Variants in SLIT3 observed in about 807,000 individuals in gnomAD.
The protein encoded by SLIT3 is slit guidance ligand 3.
SLIT3 carries 68 observed loss-of-function variants against 184.0 expected under a neutral mutation model. That is an observed-to-expected ratio of 0.37 (90% CI 0.30 to 0.45). The LOEUF (loss-of-function observed/expected upper bound fraction) is 0.45, where lower values mean the gene tolerates loss of function less well. Ranked by LOEUF, SLIT3 falls within the 20% of genes least tolerant of loss-of-function variation. The probability of loss-of-function intolerance (pLI) is 1.00; values close to 1 mark genes in which losing one functional copy is unlikely to be tolerated. For missense variants in SLIT3, 1,707 were observed against 2,026.0 expected, an observed-to-expected ratio of 0.84 and a Z score of 3.02; for synonymous variants, 831 against 828.6, an observed-to-expected ratio of 1.00 and a Z score of -0.05.
At chr5:169,243,514 CAGA>C (rs1469673368) in intron 3 of SLIT3, among the ~76,000 whole-genome samples, 1 of 152,152 alleles carries the variant, frequency 6.6e-6, no homozygotes, top group African/African-American at 2.4e-5. Context: ...GGATTTGACC[CAGA>C]AGGAGAACAA....
intron 4 of SLIT3, among the ~76,000 whole-genome samples, chr5:168,964,198 C>T (rs1057126413): frequency 1.3e-5 from 2 of 152,190 alleles, no homozygotes; most frequent in Non-Finnish European, 2.9e-5. Context: ...ACTTCTGTAG[C>T]ACAATCAAGA....
intron 4 of SLIT3, among the ~76,000 whole-genome samples, chr5:169,123,541 T>C (rs775377658): frequency 6.6e-6 from 1 of 152,170 alleles, no homozygotes; most frequent in African/African-American, 2.4e-5. Context: ...CTCACACAAT[T>C]CTGACTGCAA....
intron 3 of SLIT3, among the ~76,000 whole-genome samples, chr5:169,240,189 T>C (rs545980431): frequency 6.6e-6 from 1 of 152,050 alleles, no homozygotes; most frequent in Admixed American, 6.6e-5. Context: ...AATAAAACTT[T>C]CATATGCCCT....
At chr5:169,136,739 C>A (rs1761516082) in intron 4 of SLIT3, among the ~76,000 whole-genome samples, 1 of 152,022 alleles carries the variant, frequency 6.6e-6, no homozygotes, top group African/African-American at 2.4e-5. Context: ...ATTCTTCTGG[C>A]TAGGAGGAGG....
At chr5:168,926,769 G>T (rs897499002) in intron 4 of SLIT3, among the ~76,000 whole-genome samples, 1 of 152,004 alleles carries the variant, frequency 6.6e-6, no homozygotes. Context: ...GTCAACAAGT[G>T]TATGAAAAGG....
chr5:168,838,666 C>G (rs747773799), intron 6 of SLIT3, among the ~76,000 whole-genome samples: 1 of 152,124 alleles, frequency 6.6e-6, no homozygotes, highest in Middle Eastern at 3.2e-3. Flanking sequence ...ACACCAACCC[C>G]GCTCTAGGAG....
chr5:168,897,150 C>A (rs559382321), intron 4 of SLIT3, among the ~76,000 whole-genome samples: 3 of 151,486 alleles, frequency 2.0e-5, no homozygotes, highest in Non-Finnish European at 4.4e-5. Context: ...GTACCCAGGG[C>A]GTTAGGCATT....
intron 9 of SLIT3, among the ~76,000 whole-genome samples, chr5:168,796,389 A>G (rs1756566625): frequency 1.3e-5 from 2 of 152,290 alleles, no homozygotes; most frequent in African/African-American, 4.8e-5. Flanking sequence ...CCTGTCACCA[A>G]GAACAGGTGT....
At chr5:169,286,544 C>T (rs1446309910) in intron 1 of SLIT3, among the ~76,000 whole-genome samples, 1 of 152,162 alleles carries the variant, frequency 6.6e-6, no homozygotes, top group Non-Finnish European at 1.5e-5. Flanking sequence ...CAGTCTACTT[C>T]CCTCATCCCC....
At chr5:169,002,157 T>C (rs1581287029) in intron 4 of SLIT3, among the ~76,000 whole-genome samples, 1 of 150,352 alleles carries the variant, frequency 6.7e-6, no homozygotes, top group African/African-American at 2.4e-5. Context: ...CTACTAAAAA[T>C]AAAAATAAAT....
At chr5:168,845,582 G>C (rs1334286122) in intron 5 of SLIT3, among the ~76,000 whole-genome samples, 1 of 151,988 alleles carries the variant, frequency 6.6e-6, no homozygotes, top group African/African-American at 2.4e-5. Flanking sequence ...TCTAGTTGGA[G>C]ACTGAGCTAT....
intron 4 of SLIT3, among the ~76,000 whole-genome samples, chr5:168,889,972 A>C (rs987329556): frequency 1.4e-4 from 22 of 151,940 alleles, no homozygotes; most frequent in African/African-American, 5.3e-4. Context: ...GTGAAACACC[A>C]ACTCTACTAA....
chr5:168,966,073 T>A (rs942772951), intron 4 of SLIT3, among the ~76,000 whole-genome samples: 2 of 152,218 alleles, frequency 1.3e-5, no homozygotes, highest in African/African-American at 4.8e-5. Context: ...TGAGATACGA[T>A]TGTGAATTTT....
At chr5:168,855,884 G>A (rs373494043) in intron 5 of SLIT3, among the ~76,000 whole-genome samples, 81 of 152,094 alleles carry the variant, frequency 5.3e-4, no homozygotes, top group African/African-American at 1.9e-3. Context: ...CAAGGCGGGC[G>A]GATCATGAGG....
intron 4 of SLIT3, among the ~76,000 whole-genome samples, chr5:168,972,382 G>A (rs1413156423): frequency 8.1e-5 from 4 of 49,172 alleles, no homozygotes; most frequent in African/African-American, 7.3e-4. Flanking sequence ...TGTGTGAAGA[G>A]AGAAATCAGA....
chr5:168,835,207 A>T (rs967977584), intron 6 of SLIT3, among the ~76,000 whole-genome samples: 2 of 152,170 alleles, frequency 1.3e-5, no homozygotes, highest in African/African-American at 4.8e-5. Context: ...TGAATTATAA[A>T]TTTTACATAA....
rs112134323 is a variant in SLIT3 at position 168,710,608 on chromosome 5, GA to G, written c.2719+286del. Among the ~76,000 whole-genome samples, 420 of 138,698 alleles carry G rather than the reference GA, an allele frequency of 3.0e-3. 2 individuals carry two copies. The East Asian group carries it at 0.041, about 13-fold the overall frequency. The allele number at this position is 138,698 out of a possible 152,430, so 91.0% of individuals were successfully genotyped here. ...GTGAGACCTTGTCTCTACAAAAGAT[GA>G]AAAAAAAAAAAAGATATTCTCCACT... On this transcript the variant is annotated intron_variant, in intron 25 of 35. Coordinates refer to ENST00000519560, the MANE Select transcript of SLIT3 (RefSeq NM_003062.4).
At chr5:169,223,591 C>T (rs755484317) in intron 3 of SLIT3, among the ~76,000 whole-genome samples, 3 of 152,136 alleles carry the variant, frequency 2.0e-5, no homozygotes, top group African/African-American at 7.2e-5. Flanking sequence ...GTCAGAAAAC[C>T]AAGTGCAAAG....
At chr5:168,966,094 G>A (rs1470253387) in intron 4 of SLIT3, among the ~76,000 whole-genome samples, 2 of 152,086 alleles carry the variant, frequency 1.3e-5, no homozygotes, top group Non-Finnish European at 1.5e-5. Flanking sequence ...ATTACCTTCC[G>A]GGAAAAAATA....
Sources: allele counts gnomAD v4.1 joint callset (sites outside exome capture counted in the v4.1 genomes callset), GRCh38; gene constraint gnomAD v4.1.1; transcripts MANE v1.5; gene names NCBI Gene and HGNC (gene_info 2026-07-23, HGNC 2026-07-21).